PRKCE: variants seen among roughly 807,000 people sequenced by gnomAD.
PRKCE encodes protein kinase C epsilon type.
In PRKCE, 16 loss-of-function variants were observed where a neutral mutation model predicts 85.4. That is an observed-to-expected ratio of 0.19 (90% CI 0.13 to 0.28). The LOEUF (loss-of-function observed/expected upper bound fraction) is 0.28, where lower values mean the gene tolerates loss of function less well. Ranked by LOEUF, PRKCE falls within the 10% of genes least tolerant of loss-of-function variation. The probability of loss-of-function intolerance (pLI) is 1.00; values close to 1 mark genes in which losing one functional copy is unlikely to be tolerated. For synonymous variants in PRKCE, 388 were observed against 371.5 expected (o/e 1.04, Z -0.51); for missense variants, 573 against 975.2 (o/e 0.59, Z 5.49).
intron 1 of PRKCE, among the ~76,000 whole-genome samples, chr2:45,666,044 C>T (rs180839272): frequency 2.6e-5 from 4 of 152,254 alleles, no homozygotes; most frequent in South Asian, 2.1e-4. Context: ...AGTTTATTCC[C>T]TGCCATTAGC....
At chr2:46,104,305 T>TGTTTTTG (rs200122458) in intron 11 of PRKCE, among the ~76,000 whole-genome samples, 1 of 150,650 alleles carries the variant, frequency 6.6e-6, no homozygotes, top group Admixed American at 6.6e-5. Context: ...ACTTTTTTTT[T>TGTTTTTG]TTTTTTTTTG....
At chr2:46,057,589 A>G (rs1012216849) in intron 10 of PRKCE, among the ~76,000 whole-genome samples, 3 of 151,954 alleles carry the variant, frequency 2.0e-5, no homozygotes, top group Non-Finnish European at 2.9e-5. Flanking sequence ...CGCCACCACC[A>G]TGCCCGGCTG....
At chr2:45,860,098 C>CCT (rs149820848) in intron 2 of PRKCE, among the ~76,000 whole-genome samples, 5,049 of 152,074 alleles carry the variant, frequency 0.033, 231 homozygotes, top group East Asian at 0.27. Flanking sequence ...TCCGTTTGCC[C>CCT]CTCTAGAATG....
intron 10 of PRKCE, chr2:46,078,643 T>A: frequency 6.6e-6 from 1 of 152,210 alleles, no homozygotes; most frequent in Non-Finnish European, 1.5e-5. Flanking sequence ...CTATGCACTG[T>A]TTCCTAAATG....
intron 2 of PRKCE, among the ~76,000 whole-genome samples, chr2:45,929,986 A>G (rs1382130671): frequency 6.6e-6 from 1 of 152,268 alleles, no homozygotes. Context: ...TATTGAGTAA[A>G]TGAATCATTC....
In PRKCE at chr2:46,153,781, CTTTTTTTTTTTTTTT is replaced by C. The variant is rs70937993; in HGVS notation, c.1920+2561_1920+2575del. On this transcript the variant is annotated intron_variant, in intron 13 of 14. Transcript: ENST00000306156. ...TCCTCCTCTTCCTCTTCTTCTTCTT[CTTTTTTTTTTTTTTT>C]TTTTTTTTGAGACCAAGTCTCGCTC... Among the ~76,000 whole-genome samples, 272 of 75,996 alleles carry C rather than the reference CTTTTTTTTTTTTTTT, an allele frequency of 3.6e-3. 1 individual carries two copies. The highest frequency in any genetic ancestry group is 0.02 in the Middle Eastern group (3 of 150). The allele number at this position is 75,996 out of a possible 152,430, so 49.9% of individuals were successfully genotyped here.
At position 45,774,524 on chromosome 2, in the gene PRKCE, A is replaced by G. The variant is rs1283950882; in HGVS notation, c.349-68476A>G. Among the ~76,000 whole-genome samples the G allele has an allele frequency of 6.6e-6, 1 of 151,982 alleles. No individual in the cohort carries two copies. Among genetic ancestry groups the G allele is most frequent in the Non-Finnish European group, 1.5e-5 (1 of 67,990 alleles). ...CTGTCTCTCCTGTCTCCTTTCCATCATGCCAAAGCACCCCATGCCTTGGGG... is the reference window on the plus strand; with the variant it reads ...CTGTCTCTCCTGTCTCCTTTCCATCGTGCCAAAGCACCCCATGCCTTGGGG... On this transcript the variant is annotated intron_variant, in intron 1 of 14. Transcript: ENST00000306156. The surrounding 1 kb of genome is among the most constrained non-coding windows in gnomAD (Gnocchi z 4.3).
At chr2:45,892,020 T>C (rs990533256) in intron 2 of PRKCE, among the ~76,000 whole-genome samples, 3 of 152,220 alleles carry the variant, frequency 2.0e-5, no homozygotes, top group Non-Finnish European at 2.9e-5. Flanking sequence ...GGCCACCTGC[T>C]TACCTTGGCC....
chr2:46,010,628 A>T (rs1363577810), intron 10 of PRKCE, 111 bp downstream of exon 10: 8 of 1,599,172 alleles, frequency 5.0e-6, no homozygotes, highest in African/African-American at 1.3e-5. Flanking sequence ...GTAAAGTGGG[A>T]TGGGTTTTAC....
chr2:46,002,713 G>A (rs1233886798), intron 7 of PRKCE, among the ~76,000 whole-genome samples: 3 of 152,134 alleles, frequency 2.0e-5, no homozygotes, highest in African/African-American at 7.2e-5. Flanking sequence ...GACTTCACTT[G>A]TTGACCCAAG....
At chr2:45,754,485 T>C (rs1683842650) in intron 1 of PRKCE, among the ~76,000 whole-genome samples, 1 of 152,186 alleles carries the variant, frequency 6.6e-6, no homozygotes, top group Non-Finnish European at 1.5e-5. Flanking sequence ...CTCTTTTTGT[T>C]AATAATCCAG....
At chr2:45,711,799 A>G (rs1253523767) in intron 1 of PRKCE, among the ~76,000 whole-genome samples, 1 of 151,902 alleles carries the variant, frequency 6.6e-6, no homozygotes, top group Non-Finnish European at 1.5e-5. Flanking sequence ...TAATTTTTCT[A>G]TTTTTAGTAG....
At chr2:45,880,274 A>T (rs1412262063) in intron 2 of PRKCE, among the ~76,000 whole-genome samples, 1 of 152,210 alleles carries the variant, frequency 6.6e-6, no homozygotes, top group East Asian at 1.9e-4. Flanking sequence ...CTGTTATCAG[A>T]CACCTTGGTT....
intron 6 of PRKCE, among the ~76,000 whole-genome samples, chr2:45,993,722 G>A (rs1436634031): frequency 2.0e-5 from 3 of 152,132 alleles, no homozygotes; most frequent in African/African-American, 7.2e-5. Flanking sequence ...TTTGGTGGGT[G>A]GAGCAGGTGT....
intron 1 of PRKCE, among the ~76,000 whole-genome samples, chr2:45,744,719 C>T (rs1683001275): frequency 6.6e-6 from 1 of 151,914 alleles, no homozygotes; most frequent in Non-Finnish European, 1.5e-5. Flanking sequence ...AGCGATTCTC[C>T]TTCCTCAGCC....
At chr2:45,695,072 C>G (rs1678033078) in intron 1 of PRKCE, among the ~76,000 whole-genome samples, 1 of 152,148 alleles carries the variant, frequency 6.6e-6, no homozygotes, top group Non-Finnish European at 1.5e-5. Context: ...AGTTCCTTCT[C>G]CCTGTTTTTC....
intron 2 of PRKCE, among the ~76,000 whole-genome samples, chr2:45,910,840 G>T (rs1470046734): frequency 6.6e-6 from 1 of 152,208 alleles, no homozygotes; most frequent in African/African-American, 2.4e-5. Context: ...TCCAGGATGT[G>T]CTGGACAGAG....
intron 2 of PRKCE, among the ~76,000 whole-genome samples, chr2:45,901,371 G>A (rs1004936400): frequency 1.3e-5 from 2 of 152,178 alleles, no homozygotes; most frequent in African/African-American, 4.8e-5. Flanking sequence ...ATCTAGGTAA[G>A]GTATTAGCCT....
chr2:46,086,525 T>C (rs1424297294), intron 11 of PRKCE, among the ~76,000 whole-genome samples, 163 bp downstream of exon 11: 1 of 152,222 alleles, frequency 6.6e-6, no homozygotes, highest in Non-Finnish European at 1.5e-5. Context: ...GGGCTGTTTA[T>C]TCCTGTGAAT....
Sources: allele counts gnomAD v4.1 joint callset (sites outside exome capture counted in the v4.1 genomes callset), GRCh38; gene constraint gnomAD v4.1.1; non-coding constraint Gnocchi (gnomAD v3.1); transcripts MANE v1.5; gene names NCBI Gene and HGNC (gene_info 2026-07-23, HGNC 2026-07-21).